Variants in OR2L5 observed in about 807,000 individuals in gnomAD.
OR2L5 encodes the protein olfactory receptor family 2 subfamily L member 5, also known as olfactory receptor 2L5.
For synonymous variants in OR2L5, 169 were observed against 142.0 expected (o/e 1.19, Z -1.35); for missense variants, 413 against 381.6 (o/e 1.08, Z -0.69).
rs1459812420 is a variant in OR2L5, at chr1:248,022,558, T to C, written c.611T>C (p.Ile204Thr). The change falls in exon 2 of 2, where the codon ATC becomes ACC. Residue 204 changes from isoleucine (I) to threonine (T), a missense_variant. Ile to Thr is a moderately conservative substitution (Grantham distance 89). Coordinates refer to ENST00000355281, the MANE Select transcript of OR2L5 (RefSeq NM_001258284.2). Reference sequence around the variant, plus strand: ...TACACAGTGTTTTTGAGCAGCACCATCTTTCTTGTGTTTCCCTTCACTGGC... The same window carrying C: ...TACACAGTGTTTTTGAGCAGCACCACCTTTCTTGTGTTTCCCTTCACTGGC... ...YEYTVFLSST[I>T]FLVFPFTGIA... 3.7e-6 allele frequency: 6 copies of C among 1,614,070 alleles called. No individual in the cohort carries two copies. Among genetic ancestry groups the C allele is most frequent in the Non-Finnish European group, 5.1e-6 (6 of 1,180,030 alleles).
At chr1:248,019,237 T>C (rs996907978) in intron 1 of OR2L5, among the ~76,000 whole-genome samples, 1 of 152,198 alleles carries the variant, frequency 6.6e-6, no homozygotes, top group Non-Finnish European at 1.5e-5. Flanking sequence ...ATTTTGATGA[T>C]TTTTTGACTT....
rs781167703 is a variant in OR2L5, at chr1:248,022,424, A to G, written c.477A>G (p.Thr159=). The G allele has an allele frequency of 2.5e-6, 4 of 1,614,200 alleles. No individual in the cohort carries two copies. Among genetic ancestry groups the G allele is most frequent in the Non-Finnish European group, 1.7e-6 (2 of 1,180,034 alleles). The part of the protein sequence containing the change: ...MIGSINSCAH[T]VYAFRIPYCK... The stretch of plus-strand genomic sequence containing the variant: ...GCTCCATCAACTCTTGTGCTCACAC[A>G]GTATATGCATTCCGTATCCCATATT... The change falls in exon 2 of 2, where the codon ACA becomes ACG. Residue 159 remains threonine, a synonymous_variant. Transcript: ENST00000355281.
chr1:248,013,823 A>C (rs1662130308), intron 1 of OR2L5, 85 bp downstream of exon 1: 2 of 152,208 alleles, frequency 1.3e-5, no homozygotes, highest in African/African-American at 4.8e-5. Flanking sequence ...ACTTTATTTC[A>C]GAAATCGAAC....
At chr1:248,020,360 A>T (rs6587413) in intron 1 of OR2L5, among the ~76,000 whole-genome samples, 46,191 of 152,014 alleles carry the variant, frequency 0.3, 11,348 homozygotes, top group African/African-American at 0.68. Flanking sequence ...CTAGAACTAA[A>T]AAAGGAATTC....
rs1662128142 is a variant in OR2L5 at position 248,013,750 on chromosome 1, A to G, written c.-22+12A>G. ...GGAGATAATAAAAGGTACTGATTAT[A>G]TTTGTATTTTAAAATTTTTATTGAT... On this transcript the variant is annotated intron_variant, in intron 1 of 1. Transcript: ENST00000355281. 6.6e-6 allele frequency: 1 copy of G among 152,148 alleles called. No homozygotes were observed. The highest frequency in any genetic ancestry group is 1.5e-5 in the Non-Finnish European group (1 of 68,014). The allele number at this position is 152,148 out of a possible 1,614,324, so 9.4% of individuals were successfully genotyped here.
chr1:248,020,836 G>C (rs1333202862), intron 1 of OR2L5, among the ~76,000 whole-genome samples: 1 of 149,750 alleles, frequency 6.7e-6, no homozygotes, highest in Non-Finnish European at 1.5e-5. Flanking sequence ...TAACTTTTAG[G>C]GTACATGTGC....
chr1:248,017,515 TAGAA>T (rs1279293295), intron 1 of OR2L5, among the ~76,000 whole-genome samples: 1 of 152,190 alleles, frequency 6.6e-6, no homozygotes, highest in Non-Finnish European at 1.5e-5. Context: ...CAAGGTCTGG[TAGAA>T]AGAGACTTTT....
At position 248,022,509 on chromosome 1, in the gene OR2L5, T is replaced by C; in HGVS notation, c.562T>C (p.Cys188Arg). The change falls in exon 2 of 2, where the codon TGT (cysteine) becomes CGT (arginine). Residue 188 changes from cysteine to arginine, a missense_variant. Coordinates refer to ENST00000355281, the MANE Select transcript of OR2L5 (RefSeq NM_001258284.2). Reference sequence around the variant, plus strand: ...TGTTCCAGCTATGTTGACATTAGCCTGTACAGACACCTGGGTCTATGAGTA... The same window carrying C: ...TGTTCCAGCTATGTTGACATTAGCCCGTACAGACACCTGGGTCTATGAGTA... ...CDVPAMLTLA[C>R]TDTWVYEYTV... The C allele has an allele frequency of 6.2e-7, 1 of 1,614,226 alleles. No individual in the cohort carries two copies. The highest frequency in any genetic ancestry group is 8.5e-7 in the Non-Finnish European group (1 of 1,180,040).
chr1:248,018,162 A>AC (rs2103075075), intron 1 of OR2L5, among the ~76,000 whole-genome samples: 1 of 150,250 alleles, frequency 6.7e-6, no homozygotes, highest in African/African-American at 2.5e-5. Flanking sequence ...CAAAAAAATA[A>AC]AAAAAAAAAT....
chr1:248,019,673 G>A (rs1256791600), intron 1 of OR2L5, among the ~76,000 whole-genome samples: 1 of 152,036 alleles, frequency 6.6e-6, no homozygotes, highest in Non-Finnish European at 1.5e-5. Context: ...AAAATATATT[G>A]CTGTTTATAG....
chr1:248,013,710 C>T lies in OR2L5; in HGVS notation c.-50C>T, dbSNP rs540273009. 7 of 152,094 alleles carry T rather than the reference C, an allele frequency of 4.6e-5. No individual in the cohort carries two copies. The highest frequency in any genetic ancestry group is 3.9e-4 in the East Asian group (2 of 5,180). The allele number at this position is 152,094 out of a possible 1,614,324, so 9.4% of individuals were successfully genotyped here. On this transcript the variant is annotated 5_prime_UTR_variant, in exon 1 of 2. Transcript: ENST00000355281. Reference sequence around the variant, plus strand: ...CTGCTGGCAGCCAACAAAGGCAGTGCGTGTTTGAAATTGAGGAGATAATAA... The same window carrying T: ...CTGCTGGCAGCCAACAAAGGCAGTGTGTGTTTGAAATTGAGGAGATAATAA...
At chr1:248,021,697 A>G (rs956056086) in intron 1 of OR2L5, among the ~76,000 whole-genome samples, 1 of 152,244 alleles carries the variant, frequency 6.6e-6, no homozygotes, top group African/African-American at 2.4e-5. Context: ...AACTTTTATT[A>G]GAGTATATAG....
In OR2L5 at chr1:248,022,967, A is replaced by T; in HGVS notation, c.*81A>T. 1 of 1,234,910 alleles carries T rather than the reference A, an allele frequency of 8.1e-7. No individual in the cohort carries two copies. Among genetic ancestry groups the T allele is most frequent in the Non-Finnish European group, 1.1e-6 (1 of 884,338 alleles). 76.5% of individuals were successfully genotyped at this position (1,234,910 alleles called of 1,614,324 possible). ...CAGCAGTGAAGAAAAACATTATTAC[A>T]TGCCCAGTATGTCAAACAGAGATTA... is the stretch of plus-strand genomic sequence containing the variant. On this transcript the variant is annotated 3_prime_UTR_variant, in exon 2 of 2. Coordinates refer to ENST00000355281, the MANE Select transcript of OR2L5 (RefSeq NM_001258284.2).
chr1:248,019,043 T>C lies in OR2L5; in HGVS notation c.-21-2884T>C, dbSNP rs1364330275. Among the ~76,000 whole-genome samples, 7 of 152,198 alleles carry C rather than the reference T, an allele frequency of 4.6e-5. 2 individuals are homozygous for C. The highest frequency in any genetic ancestry group is 1.0e-4 in the Non-Finnish European group (7 of 68,024). On this transcript the variant is annotated intron_variant, in intron 1 of 1. Coordinates refer to ENST00000355281, the MANE Select transcript of OR2L5 (RefSeq NM_001258284.2). The stretch of plus-strand genomic sequence containing the variant: ...ACTACATTTTTTATTGATTTCTCTG[T>C]GGACGGACACTTGTTTCTGCCTTTG...
intron 1 of OR2L5, among the ~76,000 whole-genome samples, chr1:248,019,595 GT>G (rs893888718): frequency 2.0e-5 from 3 of 152,124 alleles, no homozygotes; most frequent in Non-Finnish European, 4.4e-5. Flanking sequence ...TAGTTATCCA[GT>G]TTTTCAAACA....
chr1:248,018,819 G>A (rs1219833941), intron 1 of OR2L5, among the ~76,000 whole-genome samples: 1 of 151,910 alleles, frequency 6.6e-6, no homozygotes, highest in African/African-American at 2.4e-5. Flanking sequence ...CCCTTCCCCG[G>A]TCCCCTGGGG....
chr1:248,022,847 G>A lies in OR2L5; in HGVS notation c.900G>A (p.Leu300=), dbSNP rs1352468932. 2 of 1,612,112 alleles carry A rather than the reference G, an allele frequency of 1.2e-6. No individual in the cohort carries two copies. Among genetic ancestry groups the A allele is most frequent in the Non-Finnish European group, 1.7e-6 (2 of 1,179,120 alleles). ...SLRNKEVMGA[L]TRVIQNIFSV... ...GAAACAAGGAGGTGATGGGGGCCCT[G>A]ACACGAGTGATTCAGAATATCTTCT... is the stretch of plus-strand genomic sequence containing the variant. Residue 300 remains leucine, a synonymous_variant, in exon 2 of 2, where the codon CTG becomes CTA. Coordinates refer to ENST00000355281, the MANE Select transcript of OR2L5 (RefSeq NM_001258284.2).
At chr1:248,021,891 C>T (rs1227662249) in intron 1 of OR2L5, 36 bp from the exon 2 acceptor site, 4 of 1,388,558 alleles carry the variant, frequency 2.9e-6, no homozygotes, top group Non-Finnish European at 4.0e-6. Flanking sequence ...TAATGGGGAA[C>T]TACTGTACTT....
chr1:248,023,014 A>G lies in OR2L5; in HGVS notation c.*128A>G. 1 of 905,926 alleles carries G rather than the reference A, an allele frequency of 1.1e-6. No homozygotes were observed. The highest frequency in any genetic ancestry group is 1.6e-6 in the Non-Finnish European group (1 of 610,420). 56.1% of individuals were successfully genotyped at this position (905,926 alleles called of 1,614,324 possible). On this transcript the variant is annotated 3_prime_UTR_variant, in exon 2 of 2. Coordinates refer to ENST00000355281, the MANE Select transcript of OR2L5 (RefSeq NM_001258284.2). The stretch of plus-strand genomic sequence containing the variant: ...ATTAATCCAGAATGTTTGTCTTTTA[A>G]TTTAGTCTTGACATTATAGTTGCAT...
Sources: allele counts gnomAD v4.1 joint callset (sites outside exome capture counted in the v4.1 genomes callset), GRCh38; gene constraint gnomAD v4.1.1; transcripts MANE v1.5; gene names NCBI Gene and HGNC (gene_info 2026-07-23, HGNC 2026-07-21).